Variants in AGBL4 observed in about 807,000 individuals in gnomAD.
The protein encoded by AGBL4 is cytosolic carboxypeptidase 6.
AGBL4 carries 58 observed loss-of-function variants against 66.4 expected under a neutral mutation model. The ratio of observed to expected loss-of-function variants is 0.87; its 90% CI spans 0.71 to 1.09. The LOEUF (loss-of-function observed/expected upper bound fraction) is 1.09. AGBL4 is among the 50% of genes least tolerant of loss of function. The pLI, the probability that AGBL4 is intolerant of heterozygous loss-of-function variation, is 0.00. For missense variants in AGBL4, 579 were observed against 631.0 expected (o/e 0.92, Z 0.88); for synonymous variants, 234 against 222.9 (o/e 1.05, Z -0.44).
At chr1:49,675,399 T>G (rs1395190573) in intron 3 of AGBL4, among the ~76,000 whole-genome samples, 1 of 151,832 alleles carries the variant, frequency 6.6e-6, no homozygotes, top group Non-Finnish European at 1.5e-5. Context: ...AGGGAAATAA[T>G]AGACACTGGG....
chr1:49,865,215 G>A (rs1646672318), intron 1 of AGBL4, among the ~76,000 whole-genome samples: 1 of 152,166 alleles, frequency 6.6e-6, no homozygotes, highest in African/African-American at 2.4e-5. Context: ...CCAGATGAGT[G>A]AGATTCGCCC....
At chr1:49,764,194 G>T (rs1295844881) in intron 2 of AGBL4, among the ~76,000 whole-genome samples, 1 of 152,066 alleles carries the variant, frequency 6.6e-6, no homozygotes, top group Non-Finnish European at 1.5e-5. Context: ...AACAGACAAG[G>T]CTGGGCACCT....
chr1:48,576,714 AAC>A (rs1310306943), intron 11 of AGBL4, among the ~76,000 whole-genome samples: 1 of 152,158 alleles, frequency 6.6e-6, no homozygotes, highest in Non-Finnish European at 1.5e-5. Flanking sequence ...GCCAGAAATG[AAC>A]ACACAGTTCC....
intron 8 of AGBL4, among the ~76,000 whole-genome samples, chr1:48,639,663 A>G (rs936588654): frequency 2.0e-5 from 3 of 152,234 alleles, no homozygotes; most frequent in African/African-American, 7.2e-5. Flanking sequence ...GATGACCAAT[A>G]TCTTAACATT....
At chr1:49,827,185 A>G (rs1645532593) in intron 2 of AGBL4, among the ~76,000 whole-genome samples, 2 of 152,112 alleles carry the variant, frequency 1.3e-5, no homozygotes, top group South Asian at 4.1e-4. Context: ...AAATCACAGT[A>G]CCTAAAGAGA....
intron 3 of AGBL4, among the ~76,000 whole-genome samples, chr1:49,453,583 T>C (rs1485941683): frequency 6.6e-6 from 1 of 151,866 alleles, no homozygotes; most frequent in Non-Finnish European, 1.5e-5. Context: ...TAATGATATG[T>C]TGCTACTAAA....
At chr1:48,762,713 C>T (rs1181815463) in intron 6 of AGBL4, among the ~76,000 whole-genome samples, 2 of 151,874 alleles carry the variant, frequency 1.3e-5, no homozygotes, top group African/African-American at 4.8e-5. Flanking sequence ...CCAGGCTTCT[C>T]TCCTACAACT....
At chr1:48,806,263 C>T (rs1645921574) in intron 6 of AGBL4, among the ~76,000 whole-genome samples, 1 of 152,102 alleles carries the variant, frequency 6.6e-6, no homozygotes, top group Non-Finnish European at 1.5e-5. Context: ...AGTCAATTCT[C>T]ATGTGAAGAT....
chr1:48,722,901 C>T (rs1647174854), intron 6 of AGBL4, among the ~76,000 whole-genome samples: 2 of 152,116 alleles, frequency 1.3e-5, no homozygotes, highest in Non-Finnish European at 2.9e-5. Flanking sequence ...ACTAAGATAC[C>T]GAATGCCTAG....
At chr1:48,545,583 A>C (rs1644146160) in intron 11 of AGBL4, among the ~76,000 whole-genome samples, 1 of 152,240 alleles carries the variant, frequency 6.6e-6, no homozygotes, top group Non-Finnish European at 1.5e-5. Flanking sequence ...CCAACTATTC[A>C]TTATGAACAA....
chr1:49,514,964 G>A (rs1370464651), intron 3 of AGBL4, among the ~76,000 whole-genome samples: 1 of 152,016 alleles, frequency 6.6e-6, no homozygotes, highest in Non-Finnish European at 1.5e-5. Flanking sequence ...TACCATTCAG[G>A]ACACAGGCAT....
chr1:48,656,094 GA>G (rs1430154040), intron 7 of AGBL4, among the ~76,000 whole-genome samples: 9 of 152,284 alleles, frequency 5.9e-5, no homozygotes, highest in Non-Finnish European at 1.0e-4. Flanking sequence ...ATTTAACCAG[GA>G]AGCTGGAAAA....
At chr1:48,830,210 G>A (rs1233269003) in intron 6 of AGBL4, among the ~76,000 whole-genome samples, 1 of 152,228 alleles carries the variant, frequency 6.6e-6, no homozygotes, top group Non-Finnish European at 1.5e-5. Context: ...AATGAGGCTA[G>A]AAATAATGTT....
intron 5 of AGBL4, among the ~76,000 whole-genome samples, chr1:48,967,774 G>T (rs973376953): frequency 1.3e-5 from 2 of 152,116 alleles, no homozygotes; most frequent in African/African-American, 4.8e-5. Context: ...AGAACAGAAA[G>T]CAGTCAAATT....
At chr1:49,843,627 G>A (rs1345429219) in intron 2 of AGBL4, among the ~76,000 whole-genome samples, 12 of 152,082 alleles carry the variant, frequency 7.9e-5, no homozygotes, top group East Asian at 7.7e-4. Flanking sequence ...AGATAATCCA[G>A]TATAATTTCT....
intron 11 of AGBL4, among the ~76,000 whole-genome samples, chr1:48,560,608 T>C (rs548370102): frequency 4.5e-4 from 68 of 152,208 alleles, no homozygotes; most frequent in Non-Finnish European, 9.1e-4. Context: ...CCCAGGGATA[T>C]ACACCTTCAA....
chr1:48,989,471 T>C (rs1260526516), intron 5 of AGBL4, among the ~76,000 whole-genome samples: 1 of 152,128 alleles, frequency 6.6e-6, no homozygotes, highest in Admixed American at 6.5e-5. Flanking sequence ...CTACTCATTG[T>C]TTCTAACTAT....
At chr1:49,340,012 C>T (rs1055076280) in intron 3 of AGBL4, among the ~76,000 whole-genome samples, 1 of 152,114 alleles carries the variant, frequency 6.6e-6, no homozygotes, top group Non-Finnish European at 1.5e-5. Flanking sequence ...TTCCAAGTGA[C>T]CAGGTACTAG....
At chr1:49,232,596 G>A (rs957150699) in intron 4 of AGBL4, among the ~76,000 whole-genome samples, 7 of 151,912 alleles carry the variant, frequency 4.6e-5, no homozygotes, top group African/African-American at 1.7e-4. Context: ...CTACTTGGGA[G>A]GCTGAGGCAG....
Sources: allele counts gnomAD v4.1 joint callset (sites outside exome capture counted in the v4.1 genomes callset), GRCh38; gene constraint gnomAD v4.1.1; transcripts MANE v1.5; gene names NCBI Gene and HGNC (gene_info 2026-07-23, HGNC 2026-07-21).